SORCS1: variants seen among roughly 807,000 people sequenced by gnomAD.
SORCS1 encodes the protein VPS10 domain-containing receptor SorCS1.
SORCS1 carries 60 observed loss-of-function variants against 146.1 expected under a neutral mutation model. The observed-to-expected ratio is 0.41, with a 90% confidence interval of 0.33 to 0.51. SORCS1 has a LOEUF of 0.51. SORCS1 is among the 20% of genes least tolerant of loss of function. The probability of loss-of-function intolerance (pLI) is 0.21; values close to 1 mark genes in which losing one functional copy is unlikely to be tolerated. For missense variants in SORCS1, 1,352 were observed against 1,487.6 expected, an observed-to-expected ratio of 0.91 and a Z score of 1.50; for synonymous variants, 637 against 584.0, an observed-to-expected ratio of 1.09 and a Z score of -1.31.
intron 2 of SORCS1, among the ~76,000 whole-genome samples, chr10:106,911,108 C>A (rs117026765): frequency 0.01 from 1,560 of 152,238 alleles, 15 homozygotes; most frequent in South Asian, 0.019. Context: ...TTGTAAAGAT[C>A]AAGGAAGAAA....
At chr10:106,601,843 A>G (rs1846260811) in intron 23 of SORCS1, among the ~76,000 whole-genome samples, 1 of 152,206 alleles carries the variant, frequency 6.6e-6, no homozygotes, top group African/African-American at 2.4e-5. Context: ...TTTAGCTTGG[A>G]AGTGGCACAT....
intron 24 of SORCS1, among the ~76,000 whole-genome samples, chr10:106,580,166 C>T (rs1400932308): frequency 2.0e-5 from 3 of 152,108 alleles, no homozygotes; most frequent in African/African-American, 4.8e-5. Flanking sequence ...TTTTTGTACA[C>T]AGGAAACTGA....
At chr10:107,095,001 G>A (rs1307432035) in intron 1 of SORCS1, among the ~76,000 whole-genome samples, 2 of 152,292 alleles carry the variant, frequency 1.3e-5, no homozygotes, top group African/African-American at 4.8e-5. Context: ...TCTCACCAAC[G>A]CGGGACAGCT....
chr10:106,709,685 T>C (rs1370866896), intron 6 of SORCS1, among the ~76,000 whole-genome samples: 2 of 152,088 alleles, frequency 1.3e-5, no homozygotes. Context: ...CCTGACCTCA[T>C]GATCTGCCTG....
At chr10:106,607,842 AC>A (rs1846714518) in intron 22 of SORCS1, among the ~76,000 whole-genome samples, 2 of 151,892 alleles carry the variant, frequency 1.3e-5, no homozygotes, top group Non-Finnish European at 2.9e-5. Context: ...TAACCACCTA[AC>A]CTAAGAGGAC....
chr10:106,577,685 C>A, intron 25 of SORCS1, 130 bp from the exon 26 acceptor site: 1 of 1,479,852 alleles, frequency 6.8e-7, no homozygotes, highest in Non-Finnish European at 8.9e-7. Flanking sequence ...CAAACAGAGG[C>A]TGTGCTTCAT....
rs542271636 is a variant in SORCS1, at chr10:106,761,935, T to C, written c.886-274A>G. Among the ~76,000 whole-genome samples, 127 of 152,336 alleles carry C rather than the reference T, an allele frequency of 8.3e-4. 1 individual carries two copies. The highest frequency in any genetic ancestry group is 1.3e-3 in the Non-Finnish European group (91 of 68,030). ...ATGTCAAAGAAGTGGTTGAATGAACTGGAATGCACACCCTGTTCTGCCTGG... is the reference window on the plus strand; with the variant it reads ...ATGTCAAAGAAGTGGTTGAATGAACCGGAATGCACACCCTGTTCTGCCTGG... On this transcript the variant is annotated intron_variant, in intron 4 of 25. Transcript: ENST00000263054.
chr10:106,853,773 C>A (rs967950827), intron 2 of SORCS1, among the ~76,000 whole-genome samples: 3 of 151,908 alleles, frequency 2.0e-5, no homozygotes, highest in Non-Finnish European at 2.9e-5. Context: ...TCAGCTATTT[C>A]TTTTATTGAT....
At chr10:107,113,566 T>A (rs1590168059) in intron 1 of SORCS1, among the ~76,000 whole-genome samples, 2 of 151,688 alleles carry the variant, frequency 1.3e-5, no homozygotes, top group East Asian at 3.9e-4. Context: ...GGTGCGTGCC[T>A]GTAGTCCCAG....
chr10:106,796,991 T>C (rs946796117), intron 3 of SORCS1, among the ~76,000 whole-genome samples: 23 of 151,982 alleles, frequency 1.5e-4, no homozygotes, highest in African/African-American at 4.8e-4. Context: ...CCTGTAGTCC[T>C]AGCTACTCGG....
intron 1 of SORCS1, among the ~76,000 whole-genome samples, chr10:107,130,825 G>A: frequency 6.6e-6 from 1 of 150,574 alleles, no homozygotes; most frequent in Middle Eastern, 3.2e-3. Flanking sequence ...ATTTTTCAAT[G>A]TACAATCCAG....
At chr10:106,910,386 T>C (rs1952095195) in intron 2 of SORCS1, among the ~76,000 whole-genome samples, 1 of 151,884 alleles carries the variant, frequency 6.6e-6, no homozygotes, top group African/African-American at 2.4e-5. Context: ...ATATAGTTAA[T>C]GACAGTATCA....
At chr10:106,612,607 G>C (rs1847082185) in intron 21 of SORCS1, among the ~76,000 whole-genome samples, 2 of 151,902 alleles carry the variant, frequency 1.3e-5, no homozygotes, top group Admixed American at 1.3e-4. Flanking sequence ...CAGCCATGTT[G>C]CCAGTCACAT....
At chr10:106,835,258 T>C (rs1438050375) in intron 2 of SORCS1, among the ~76,000 whole-genome samples, 2 of 152,236 alleles carry the variant, frequency 1.3e-5, no homozygotes, top group African/African-American at 2.4e-5. Flanking sequence ...TCCTTCACTA[T>C]AATCTTATGC....
chr10:107,108,333 A>G (rs1965443446), intron 1 of SORCS1, among the ~76,000 whole-genome samples: 1 of 152,220 alleles, frequency 6.6e-6, no homozygotes, highest in Non-Finnish European at 1.5e-5. Context: ...CTTTACAGAA[A>G]GCATGGTGCT....
intron 3 of SORCS1, among the ~76,000 whole-genome samples, chr10:106,817,249 G>C (rs1233252955): frequency 6.6e-6 from 1 of 152,160 alleles, no homozygotes; most frequent in African/African-American, 2.4e-5. Flanking sequence ...GAGTCAAGTT[G>C]GATGGGTTTG....
intron 17 of SORCS1, among the ~76,000 whole-genome samples, chr10:106,660,328 A>C (rs1176014865): frequency 6.6e-6 from 1 of 152,178 alleles, no homozygotes; most frequent in Non-Finnish European, 1.5e-5. Context: ...TGATACATAT[A>C]TACATTGTGT....
chr10:107,168,120 C>T (rs1970093043), upstream of SORCS1, among the ~76,000 whole-genome samples: 1 of 152,208 alleles, frequency 6.6e-6, no homozygotes, highest in African/African-American at 2.4e-5. Context: ...TCCTAATACG[C>T]CAACCATTAG....
intron 3 of SORCS1, among the ~76,000 whole-genome samples, chr10:106,806,781 C>A (rs1199865091): frequency 6.6e-6 from 1 of 151,858 alleles, no homozygotes; most frequent in Admixed American, 6.6e-5. Flanking sequence ...TCCTGGAGTG[C>A]TGGGATTACA....
Sources: allele counts gnomAD v4.1 joint callset (sites outside exome capture counted in the v4.1 genomes callset), GRCh38; gene constraint gnomAD v4.1.1; transcripts MANE v1.5; gene names NCBI Gene and HGNC (gene_info 2026-07-23, HGNC 2026-07-21).